Variants in RETREG2 observed in about 807,000 individuals in gnomAD.
The protein encoded by RETREG2 is reticulophagy regulator 2.
Under a neutral mutation model 51.6 loss-of-function variants are expected in RETREG2, and 21 were observed. The ratio of observed to expected loss-of-function variants is 0.41; its 90% CI spans 0.29 to 0.59. The LOEUF is 0.59. Ranked by LOEUF, RETREG2 falls within the 20% of genes least tolerant of loss-of-function variation. The pLI, the probability that RETREG2 is intolerant of heterozygous loss-of-function variation, is 0.34. For missense variants in RETREG2, 674 were observed against 646.0 expected (o/e 1.04, Z -0.47); for synonymous variants, 339 against 288.6 (o/e 1.17, Z -1.77).
In RETREG2 at chr2:219,178,930, C is replaced by T; in HGVS notation, c.290C>T (p.Ser97Phe). The T allele has an allele frequency of 6.2e-7, 1 of 1,612,516 alleles. No individual in the cohort carries two copies. The highest frequency in any genetic ancestry group is 8.5e-7 in the Non-Finnish European group (1 of 1,178,806). Reference sequence around the variant, plus strand: ...GCCTGTCTCTCCCTAAGGTTGCTGTCTTCCTCGTCCCTCCGGCCCTTCTTC... The same window carrying T: ...GCCTGTCTCTCCCTAAGGTTGCTGTTTTCCTCGTCCCTCCGGCCCTTCTTC... ...AALNGLFWLLSSSSLRPFFLL... is the reference protein window; with the variant it reads ...AALNGLFWLLFSSSLRPFFLL... Residue 97 changes from serine (S) to phenylalanine (F), a missense_variant, in exon 2 of 9, where the codon TCT becomes TTT. Transcript: ENST00000430297.
rs1197573713 is a variant in RETREG2, at chr2:219,182,522, T to A, written c.1525T>A (p.Leu509Met). ...ELEQLNAELGLEPETPPKPPD... is the reference protein window; with the variant it reads ...ELEQLNAELGMEPETPPKPPD... ...GGAGCAGCTGAATGCAGAGCTGGGC[T>A]TGGAGCCAGAGACACCGCCAAAACC... Residue 509 changes from leucine to methionine, a missense_variant, in exon 9 of 9, where the codon TTG (leucine) becomes ATG (methionine). By Grantham distance (15) the Leu-to-Met change is conservative. Transcript: ENST00000430297. 4 of 1,614,136 alleles carry A rather than the reference T, an allele frequency of 2.5e-6. No individual in the cohort carries two copies. The South Asian group carries it at 4.4e-5, about 18-fold the overall frequency.
intron 2 of RETREG2, 82 bp from the exon 3 acceptor site, chr2:219,179,648 AGAG>A (rs1344323445): frequency 7.5e-7 from 1 of 1,335,338 alleles, no homozygotes; most frequent in East Asian, 2.3e-5. Flanking sequence ...CTGGGGCTGC[AGAG>A]GAGGGACAAC....
Position 219,178,980 on chromosome 2 carries a change from T to C in RETREG2, c.340T>C (p.Tyr114His). Residue 114 changes from tyrosine to histidine, a missense_variant, in exon 2 of 9, where the codon TAT becomes CAT. Transcript: ENST00000430297. ...CCTACTCAGCGTCTCACTTTTGGCC[T>C]ATTTTCTGCTGGATCTCTGGCAGCC... ...FFLLSVSLLA[Y>H]FLLDLWQPRF... The C allele has an allele frequency of 6.2e-7, 1 of 1,614,126 alleles. No individual in the cohort carries two copies. The highest frequency in any genetic ancestry group is 8.5e-7 in the Non-Finnish European group (1 of 1,179,986).
At position 219,182,585 on chromosome 2, in the gene RETREG2, C is replaced by T. The variant is rs572102851; in HGVS notation, c.1588C>T (p.Leu530=). The T allele has an allele frequency of 5.6e-6, 9 of 1,614,210 alleles. No individual in the cohort carries two copies. The South Asian group carries it at 9.9e-5, about 18-fold the overall frequency. Reference sequence around the variant, plus strand: ...ACCCCTGGGGCCCGACATCCATTCTCTGGTACAGTCAGACCAAGAAGCTCA... The same window carrying T: ...ACCCCTGGGGCCCGACATCCATTCTTTGGTACAGTCAGACCAAGAAGCTCA... ...APPLGPDIHS[L]VQSDQEAQAV... The change falls in exon 9 of 9, where the codon CTG becomes TTG. Residue 530 remains leucine (L), a synonymous_variant. Transcript: ENST00000430297.
chr2:219,180,144 C>G lies in RETREG2; in HGVS notation c.454C>G (p.Leu152Val), dbSNP rs1436921555. The change falls in exon 4 of 9, where the codon CTG (leucine) becomes GTG (valine). Residue 152 changes from leucine (L) to valine (V), a missense_variant. Physicochemically the swap from Leu to Val is conservative, Grantham distance 32 (BLOSUM62 1). Coordinates refer to ENST00000430297, the MANE Select transcript of RETREG2 (RefSeq NM_024293.6). ...GAGSGARPHL[L>V]SVPELCRYLA... ...GGGGTCAGGCGCCCGGCCGCACCTG[C>G]TGAGTGTGCCCGAGTTGTGCAGATA... 1 of 1,614,174 alleles carries G rather than the reference C, an allele frequency of 6.2e-7. No homozygotes were observed. Among genetic ancestry groups the G allele is most frequent in the East Asian group, 2.2e-5 (1 of 44,882 alleles).
chr2:219,180,124 C>G lies in RETREG2; in HGVS notation c.434C>G (p.Ser145Ter). The stretch of plus-strand genomic sequence containing the variant: ...TGTCTCCCCAGTGAGGGTGCGGGGT[C>G]AGGCGCCCGGCCGCACCTGCTGAGT... ...EPHSDSEGAG[S>*]GARPHLLSVP... Residue 145 changes from serine to a stop codon, truncating the protein, a stop_gained, in exon 4 of 9, where the codon TCA (serine) becomes TGA (stop). Transcript: ENST00000430297. LOFTEE classifies it high-confidence loss of function. 2 of 1,614,042 alleles carry G rather than the reference C, an allele frequency of 1.2e-6. No homozygotes were observed. Among genetic ancestry groups the G allele is most frequent in the Non-Finnish European group, 1.7e-6 (2 of 1,180,012 alleles).
At chr2:219,181,831 A>G (rs531350117) in intron 8 of RETREG2, 56 bp downstream of exon 8, 23 of 1,599,660 alleles carry the variant, frequency 1.4e-5, no homozygotes, top group Admixed American at 5.1e-5. Context: ...GTTCCCTACC[A>G]TGGGTACTTA....
rs760364405 is a variant in RETREG2, at chr2:219,178,940, C to T, written c.300C>T (p.Ser100=). 6 of 1,613,544 alleles carry T rather than the reference C, an allele frequency of 3.7e-6. No individual in the cohort carries two copies. The highest frequency in any genetic ancestry group is 5.1e-6 in the Non-Finnish European group (6 of 1,179,574). The change falls in exon 2 of 9, where the codon TCC becomes TCT. Residue 100 remains serine, a synonymous_variant. Transcript: ENST00000430297. The part of the protein sequence containing the change: ...NGLFWLLSSS[S]LRPFFLLSVS... ...CCCTAAGGTTGCTGTCTTCCTCGTC[C>T]CTCCGGCCCTTCTTCCTACTCAGCG...
intron 6 of RETREG2, 39 bp from the exon 7 acceptor site, chr2:219,181,330 T>G: frequency 6.2e-7 from 1 of 1,609,272 alleles, no homozygotes; most frequent in South Asian, 1.1e-5. Context: ...CTCCCATCAT[T>G]CATGCTTGGT....
In RETREG2 at chr2:219,181,996, C is replaced by A; in HGVS notation, c.1016-17C>A. 1 of 1,609,604 alleles carries A rather than the reference C, an allele frequency of 6.2e-7. No homozygotes were observed. The highest frequency in any genetic ancestry group is 8.5e-7 in the Non-Finnish European group (1 of 1,176,752). On this transcript the variant is annotated splice_polypyrimidine_tract_variant and intron_variant, in intron 8 of 8. Transcript: ENST00000430297. ...ACCAGCAGCAGGCCCATTCTTAATT[C>A]TTTGTTCTCTGCACAGATTTGGACC... is the stretch of plus-strand genomic sequence containing the variant.
In RETREG2 at chr2:219,182,060, C is replaced by T. The variant is rs1450364412; in HGVS notation, c.1063C>T (p.Arg355Trp). 8 of 1,614,084 alleles carry T rather than the reference C, an allele frequency of 5.0e-6. No homozygotes were observed. The highest frequency in any genetic ancestry group is 2.2e-5 in the East Asian group (1 of 44,870). Reference protein sequence around the residue: ...LPSEPEETLSRDLGEGEEGEL... With the variant: ...LPSEPEETLSWDLGEGEEGEL... ...AAGTGAACCAGAGGAGACCCTAAGC[C>T]GGGACCTAGGGGAGGGAGAGGAGGG... is the stretch of plus-strand genomic sequence containing the variant. Residue 355 changes from arginine to tryptophan, a missense_variant, in exon 9 of 9, where the codon CGG (arginine) becomes TGG (tryptophan). By Grantham distance (101) the Arg-to-Trp change is moderately radical. Transcript: ENST00000430297.
rs1042535798 is a variant in RETREG2 at position 219,184,311 on chromosome 2, T to G, written c.*1682T>G. On this transcript the variant is annotated 3_prime_UTR_variant, in exon 9 of 9. Transcript: ENST00000430297. ...CCAGAACTGAGCAGATGGCCTCCTTTATGAGTTCATGTCCTCCGCCTTCAG... is the reference window on the plus strand; with the variant it reads ...CCAGAACTGAGCAGATGGCCTCCTTGATGAGTTCATGTCCTCCGCCTTCAG... 4 of 152,196 alleles carry G rather than the reference T, an allele frequency of 2.6e-5. No individual in the cohort carries two copies. Among genetic ancestry groups the G allele is most frequent in the African/African-American group, 9.7e-5 (4 of 41,428 alleles). The allele number at this position is 152,196 out of a possible 1,614,324, so 9.4% of individuals were successfully genotyped here.
rs1559224153 is a variant in RETREG2 at position 219,184,824 on chromosome 2, G to GTTTTTTT, written c.*2195_*2196insTTTTTTT. On this transcript the variant is annotated 3_prime_UTR_variant, in exon 9 of 9. Coordinates refer to ENST00000430297, the MANE Select transcript of RETREG2 (RefSeq NM_024293.6). ...TTGTTTTGGTTTTTTGTTTTTTGTG[G>GTTTTTTT]GTTTTTTTTTTTTTTTTTTTGAGAC... 11 of 36,456 alleles carry GTTTTTTT rather than the reference G, an allele frequency of 3.0e-4. No individual in the cohort carries two copies. Among genetic ancestry groups the GTTTTTTT allele is most frequent in the South Asian group, 1.2e-3 (1 of 868 alleles). 2.3% of individuals were successfully genotyped at this position (36,456 alleles called of 1,614,324 possible). A position where few individuals can be genotyped will look rare whatever the true frequency, so the allele number is the denominator to read the frequency against.
At position 219,179,014 on chromosome 2, in the gene RETREG2, T is replaced by C. The variant is rs750538853; in HGVS notation, c.374T>C (p.Leu125Pro). 4 of 1,611,278 alleles carry C rather than the reference T, an allele frequency of 2.5e-6. No individual in the cohort carries two copies. Among genetic ancestry groups the C allele is most frequent in the Non-Finnish European group, 3.4e-6 (4 of 1,177,438 alleles). The change falls in exon 2 of 9, where the codon CTC becomes CCC. Residue 125 changes from leucine to proline, a missense_variant. Transcript: ENST00000430297. ...CTGGATCTCTGGCAGCCTCGCTTTC[T>C]CCCTGACGTTTCAGGTGAGTGTTTC... The part of the protein sequence containing the change: ...FLLDLWQPRF[L>P]PDVSASSPEE...
In RETREG2 at chr2:219,182,797, A is replaced by T. The variant is rs535041313; in HGVS notation, c.*168A>T. The stretch of plus-strand genomic sequence containing the variant: ...TGCCTGCCTGCCTGCTGTCCTGGGC[A>T]TGGTGCAGTACCTGTGCCTAGGATT... On this transcript the variant is annotated 3_prime_UTR_variant, in exon 9 of 9. Coordinates refer to ENST00000430297, the MANE Select transcript of RETREG2 (RefSeq NM_024293.6). 15 of 717,152 alleles carry T rather than the reference A, an allele frequency of 2.1e-5. No individual in the cohort carries two copies. In the South Asian group the frequency reaches 2.7e-4, roughly 13 times the overall value. 44.4% of individuals were successfully genotyped at this position (717,152 alleles called of 1,614,324 possible). A position where few individuals can be genotyped will look rare whatever the true frequency, so the allele number is the denominator to read the frequency against.
At position 219,181,536 on chromosome 2, in the gene RETREG2, C is replaced by T. The variant is rs1206455854; in HGVS notation, c.879+73C>T. On this transcript the variant is annotated intron_variant, in intron 7 of 8. Coordinates refer to ENST00000430297, the MANE Select transcript of RETREG2 (RefSeq NM_024293.6). Reference sequence around the variant, plus strand: ...AATCTTTCTGCTTTGGAGCTGCCACCTCCAAAGGAGGTGGAAGCCAGAGGT... The same window carrying T: ...AATCTTTCTGCTTTGGAGCTGCCACTTCCAAAGGAGGTGGAAGCCAGAGGT... 4.4e-6 allele frequency: 7 copies of T among 1,600,418 alleles called. No homozygotes were observed. In the East Asian group the frequency reaches 8.9e-5, roughly 20 times the overall value.
At position 219,178,320 on chromosome 2, in the gene RETREG2, C is replaced by G. The variant is rs1205485928; in HGVS notation, c.-33C>G. ...GGCGGCGGCCGCGCAGCCCTGGCTC[C>G]TCGCGGGCTCGGGCGGCGGCTGCGG... On this transcript the variant is annotated 5_prime_UTR_variant, in exon 1 of 9. Coordinates refer to ENST00000430297, the MANE Select transcript of RETREG2 (RefSeq NM_024293.6). 1 of 395,444 alleles carries G rather than the reference C, an allele frequency of 2.5e-6. No homozygotes were observed. Among genetic ancestry groups the G allele is most frequent in the Admixed American group, 4.5e-5 (1 of 22,248 alleles). The allele number at this position is 395,444 out of a possible 1,614,324, so 24.5% of individuals were successfully genotyped here.
intron 2 of RETREG2, 134 bp from the exon 3 acceptor site, chr2:219,179,599 C>G: frequency 1.3e-6 from 1 of 799,926 alleles, no homozygotes; most frequent in East Asian, 2.4e-5. Context: ...CAAACAAAAA[C>G]ATGTAACAGC....
chr2:219,182,390 T>C lies in RETREG2; in HGVS notation c.1393T>C (p.Ser465Pro). The part of the protein sequence containing the change: ...LVGSDPAPSP[S>P]ILPPVPQDSP... ...TGGAAGTGACCCAGCCCCCTCCCCT[T>C]CCATTCTCCCACCTGTTCCCCAGGA... Residue 465 changes from serine to proline, a missense_variant, in exon 9 of 9, where the codon TCC becomes CCC. By Grantham distance (74) the Ser-to-Pro change is moderately conservative. Coordinates refer to ENST00000430297, the MANE Select transcript of RETREG2 (RefSeq NM_024293.6). The C allele has an allele frequency of 6.2e-7, 1 of 1,613,676 alleles. No individual in the cohort carries two copies. The highest frequency in any genetic ancestry group is 1.6e-4 in the Middle Eastern group (1 of 6,062).
Sources: allele counts gnomAD v4.1 joint callset, GRCh38; gene constraint gnomAD v4.1.1; transcripts MANE v1.5; gene names NCBI Gene and HGNC (gene_info 2026-07-23, HGNC 2026-07-21).